The following ZNF282 variants were observed in gnomAD, a reference collection of about 807,000 sequenced individuals.
ZNF282 encodes the protein HTLV-I U5 repressive element-binding protein 1.
Under a neutral mutation model 61.9 loss-of-function variants are expected in ZNF282, and 30 were observed. The observed-to-expected ratio is 0.48, with a 90% confidence interval of 0.36 to 0.66. The LOEUF is 0.66. Ranked by LOEUF, ZNF282 falls within the 30% of genes least tolerant of loss-of-function variation. ZNF282 has a pLI of 0.00. For synonymous variants in ZNF282, 396 were observed against 405.0 expected (o/e 0.98, Z 0.27); for missense variants, 788 against 941.4 (o/e 0.84, Z 2.13).
chr7:149,211,120 C>T (rs959210497), intron 5 of ZNF282, among the ~76,000 whole-genome samples: 2 of 152,204 alleles, frequency 1.3e-5, no homozygotes, highest in Admixed American at 1.3e-4. Context: ...GCTGCTACCT[C>T]TGTGCCAGGC....
At chr7:149,218,540 G>A (rs941992944) in intron 7 of ZNF282, among the ~76,000 whole-genome samples, 3 of 152,180 alleles carry the variant, frequency 2.0e-5, no homozygotes, top group Non-Finnish European at 2.9e-5. Context: ...TCAAGTAGGT[G>A]AATATAGGAG....
Position 149,223,822 on chromosome 7 carries a change from G to A in ZNF282, c.1191G>A (p.Leu397=). 1 of 1,485,454 alleles carries A rather than the reference G, an allele frequency of 6.7e-7. No homozygotes were observed. The highest frequency in any genetic ancestry group is 8.9e-7 in the Non-Finnish European group (1 of 1,125,004). 92.0% of individuals were successfully genotyped at this position (1,485,454 alleles called of 1,614,324 possible). ...TTCCTATCTCCCCAGGTGACAGCCT[G>A]CTGATGGTGAAGAACCCACCCCCGG... ...LGLDSGPSDS[L]LMVKNPPPAP... is the part of the protein sequence containing the mutation. The change falls in exon 8 of 8, where the codon CTG becomes CTA. Residue 397 remains leucine, a synonymous_variant. Coordinates refer to ENST00000610704, the MANE Select transcript of ZNF282 (RefSeq NM_003575.4).
intron 7 of ZNF282, among the ~76,000 whole-genome samples, chr7:149,214,525 C>G (rs1039536795): frequency 6.6e-6 from 1 of 152,050 alleles, no homozygotes; most frequent in African/African-American, 2.4e-5. Flanking sequence ...GCAGGTGGCT[C>G]ACATGCTGGA....
In ZNF282 at chr7:149,198,694, G is replaced by A. The variant is rs755219989; in HGVS notation, c.527G>A (p.Arg176His). ...CTGGAGAACTTGGAGAACTTGCTGC[G>A]CAACAGGAACTTCTGGGTCCTGCGG... ...RRLENLENLL[R>H]NRNFWVLRLP... Residue 176 changes from arginine (R) to histidine (H), a missense_variant, in exon 2 of 8, where the codon CGC becomes CAC. Physicochemically the swap from Arg to His is conservative, Grantham distance 29 (BLOSUM62 0). Around this residue, in one of 3 missense-constraint regions of ZNF282, gnomAD observed 92 missense variants for 163.9 expected, o/e 0.56. Transcript: ENST00000610704. This position sits in a 1 kb window ranked among gnomAD's most constrained non-coding sequence, Gnocchi z 4.3. 3.7e-6 allele frequency: 6 copies of A among 1,613,870 alleles called. No individual in the cohort carries two copies. Among genetic ancestry groups the A allele is most frequent in the East Asian group, 2.2e-5 (1 of 44,882 alleles).
At chr7:149,212,578 A>C in intron 6 of ZNF282, 107 bp downstream of exon 6, 1 of 954,874 alleles carries the variant, frequency 1.0e-6, no homozygotes, top group East Asian at 2.8e-5. Flanking sequence ...AAATTACTTC[A>C]GCACTGATTT....
Position 149,225,052 on chromosome 7 carries a change from T to A in ZNF282, c.*405T>A. 1 of 230,840 alleles carries A rather than the reference T, an allele frequency of 4.3e-6. No homozygotes were observed. 14.3% of individuals were successfully genotyped at this position (230,840 alleles called of 1,614,324 possible). On this transcript the variant is annotated 3_prime_UTR_variant, in exon 8 of 8. Transcript: ENST00000610704. ...GAAAAAAAGCGAAGGCCGAGGGATG[T>A]GCTAAGGGTAACACCTTCATGATGA...
chr7:149,200,604 TA>T (rs1278271764), intron 2 of ZNF282, among the ~76,000 whole-genome samples: 2 of 151,614 alleles, frequency 1.3e-5, no homozygotes, highest in African/African-American at 4.8e-5. Flanking sequence ...TTTATTTATT[TA>T]TTTTTTTTGA....
chr7:149,198,279 C>T lies in ZNF282; in HGVS notation c.166-54C>T. On this transcript the variant is annotated intron_variant, in intron 1 of 7. Transcript: ENST00000610704. The surrounding 1 kb of genome is among the most constrained non-coding windows in gnomAD (Gnocchi z 4.3). ...TTGACCCCTGTTCCCAGCTGACTTC[C>T]CCGGCTCACACAAGGTCTCATCCTG... 6.5e-7 allele frequency: 1 copy of T among 1,536,024 alleles called. No individual in the cohort carries two copies. The highest frequency in any genetic ancestry group is 2.3e-5 in the East Asian group (1 of 44,168).
At chr7:149,197,423 G>A (rs1005988327) in intron 1 of ZNF282, among the ~76,000 whole-genome samples, 1 of 152,138 alleles carries the variant, frequency 6.6e-6, no homozygotes, top group African/African-American at 2.4e-5. Flanking sequence ...TGGGCTCTCC[G>A]GTCTTTTCCT....
intron 1 of ZNF282, among the ~76,000 whole-genome samples, chr7:149,197,971 A>G (rs1333516253): frequency 2.6e-5 from 4 of 152,262 alleles, no homozygotes; most frequent in Non-Finnish European, 5.9e-5. Flanking sequence ...TGGAAACATA[A>G]AACACTAGGC....
chr7:149,202,213 C>T (rs1206584011), intron 2 of ZNF282, among the ~76,000 whole-genome samples: 1 of 145,774 alleles, frequency 6.9e-6, no homozygotes, highest in Non-Finnish European at 1.5e-5. Flanking sequence ...GGTACAATCT[C>T]GGCTCACTGC....
At chr7:149,210,749 G>GGGAGA (rs776725968) in intron 5 of ZNF282, 45 bp downstream of exon 5, 22 of 1,506,162 alleles carry the variant, frequency 1.5e-5, no homozygotes, top group Non-Finnish European at 1.9e-5. Context: ...GGGAGGGGAG[G>GGGAGA]GGAGAGGGTT....
At position 149,214,043 on chromosome 7, in the gene ZNF282, C is replaced by T. The variant is rs192509325; in HGVS notation, c.1180+229C>T. The stretch of plus-strand genomic sequence containing the variant: ...GGTACCACAGGCTGGGCAGCTTCAA[C>T]AATAGAAATTTATTCTCTCACAGTT... On this transcript the variant is annotated intron_variant, in intron 7 of 7. Transcript: ENST00000610704. 4.8e-3 allele frequency among the ~76,000 whole-genome samples: 730 copies of T among 152,314 alleles called. 6 individuals are homozygous for T. Among genetic ancestry groups the T allele is most frequent in the Non-Finnish European group, 6.9e-3 (466 of 68,020 alleles).
intron 2 of ZNF282, among the ~76,000 whole-genome samples, chr7:149,205,076 C>G (rs1795971863): frequency 6.7e-6 from 1 of 149,652 alleles, no homozygotes; most frequent in African/African-American, 2.5e-5. Context: ...TGCAGTGAGC[C>G]AAGACTGTGC....
At chr7:149,209,824 T>C (rs751613810) in intron 4 of ZNF282, among the ~76,000 whole-genome samples, 1 of 152,214 alleles carries the variant, frequency 6.6e-6, no homozygotes, top group Non-Finnish European at 1.5e-5. Flanking sequence ...GTAGAGGCTA[T>C]GTCCTTGTCT....
At position 149,224,206 on chromosome 7, in the gene ZNF282, G is replaced by C; in HGVS notation, c.1575G>C (p.Lys525Asn). The stretch of plus-strand genomic sequence containing the variant: ...CCTACTCGTGCCCCGAGTGCGGCAA[G>C]AGCTTCGGCGTGCGCAAGAGCCTCA... Reference protein sequence around the residue: ...SKPYSCPECGKSFGVRKSLII... With the variant: ...SKPYSCPECGNSFGVRKSLII... The change falls in exon 8 of 8, where the codon AAG becomes AAC. Residue 525 changes from lysine (K) to asparagine (N), a missense_variant. Around this residue, in one of 3 missense-constraint regions of ZNF282, gnomAD observed 559 missense variants for 642.0 expected, o/e 0.87. Coordinates refer to ENST00000610704, the MANE Select transcript of ZNF282 (RefSeq NM_003575.4). The C allele has an allele frequency of 6.2e-7, 1 of 1,608,172 alleles. No homozygotes were observed. Among genetic ancestry groups the C allele is most frequent in the Non-Finnish European group, 8.5e-7 (1 of 1,179,756 alleles).
chr7:149,222,488 A>G (rs1009439840), intron 7 of ZNF282, among the ~76,000 whole-genome samples: 1 of 152,104 alleles, frequency 6.6e-6, no homozygotes, highest in Non-Finnish European at 1.5e-5. Context: ...CTGTCCTGAG[A>G]TAAAAGTGAG....
chr7:149,223,287 T>A (rs953212335), intron 7 of ZNF282, among the ~76,000 whole-genome samples: 2 of 151,784 alleles, frequency 1.3e-5, no homozygotes, highest in African/African-American at 4.8e-5. Flanking sequence ...AAGATTTGTT[T>A]TTTTTTTTTA....
chr7:149,202,895 T>C, intron 2 of ZNF282, among the ~76,000 whole-genome samples: 1 of 152,132 alleles, frequency 6.6e-6, no homozygotes, highest in African/African-American at 2.4e-5. Flanking sequence ...CAAAAAATGT[T>C]TGTGGAGTGC....
Sources: gnomAD v4.1 joint callset for allele counts (sites outside exome capture counted in the v4.1 genomes callset) on GRCh38, gnomAD v4.1.1 for gene constraint, gnomAD v4.1.1 regional missense constraint, Gnocchi (gnomAD v3.1) non-coding constraint, MANE v1.5 for transcripts, NCBI Gene and HGNC (gene_info 2026-07-23, HGNC 2026-07-21) for gene names.